The following FAM184A variants were observed in gnomAD, a reference collection of about 807,000 sequenced individuals.
The protein encoded by FAM184A is protein FAM184A.
A neutral mutation model predicts 143.8 loss-of-function variants in FAM184A; 99 were observed. The ratio of observed to expected loss-of-function variants is 0.69; its 90% confidence interval spans 0.58 to 0.81. The LOEUF (loss-of-function observed/expected upper bound fraction) is 0.81. Among genes scored for constraint, FAM184A ranks in the 40% least tolerant of loss-of-function variants. FAM184A has a pLI of 0.00. For synonymous variants in FAM184A, 427 were observed against 446.4 expected, an observed-to-expected ratio of 0.96 and a Z score of 0.55; for missense variants, 1,217 against 1,310.5, an observed-to-expected ratio of 0.93 and a Z score of 1.10.
At chr6:118,991,855 C>T (rs74383342) in intron 9 of FAM184A, among the ~76,000 whole-genome samples, 1 of 143,508 alleles carries the variant, frequency 7.0e-6, no homozygotes, top group African/African-American at 2.5e-5. Flanking sequence ...CTCCGCCTCC[C>T]GGGTTCATGT....
chr6:118,976,571 G>A (rs1783854480), intron 11 of FAM184A, among the ~76,000 whole-genome samples: 2 of 151,896 alleles, frequency 1.3e-5, no homozygotes, highest in African/African-American at 4.8e-5. Context: ...GACTGACACA[G>A]GAGAATTGCG....
At chr6:119,098,595 A>T (rs1351985658) in intron 1 of FAM184A, among the ~76,000 whole-genome samples, 2 of 152,144 alleles carry the variant, frequency 1.3e-5, no homozygotes, top group Non-Finnish European at 2.9e-5. Flanking sequence ...TAGATTCAAA[A>T]TTTTTTTATT....
intron 1 of FAM184A, among the ~76,000 whole-genome samples, chr6:119,036,609 C>T (rs1440175024): frequency 6.6e-6 from 1 of 151,968 alleles, no homozygotes; most frequent in East Asian, 1.9e-4. Context: ...TACTATACAG[C>T]TATGATTCAG....
rs780660408 is a variant in FAM184A, at chr6:118,961,958, C to T, written c.3144G>A (p.Lys1048=). 2 of 1,613,542 alleles carry T rather than the reference C, an allele frequency of 1.2e-6. No individual in the cohort carries two copies. Among genetic ancestry groups the T allele is most frequent in the African/African-American group, 2.7e-5 (2 of 74,962 alleles). ...VGVINPLAKQ[K]KKNDKSPTNR... ...TTGTTGGTGATTTATCATTCTTCTT[C>T]TTTTGCTGCATTAAAAATAATACAT... Residue 1048 remains lysine, a synonymous_variant, in exon 17 of 18, where the codon AAG becomes AAA. Transcript: ENST00000338891.
intron 1 of FAM184A, among the ~76,000 whole-genome samples, chr6:119,130,562 A>G (rs1345621693): frequency 6.6e-6 from 1 of 152,228 alleles, no homozygotes; most frequent in Non-Finnish European, 1.5e-5. Context: ...ATTGATTTAT[A>G]GGGGTGTATG....
rs75361402 is a variant in FAM184A at position 119,148,586 on chromosome 6, A to G, written c.-202+492T>C. Among the ~76,000 whole-genome samples the G allele has an allele frequency of 5.0e-3, 755 of 152,118 alleles. 23 individuals are homozygous for G. In the East Asian group the frequency reaches 0.067, roughly 13 times the overall value. ...TTCTTAACCCCTTCCCCAGCACACT[A>G]TTGCTGCCAGCATCAGATGTGTGAC... On this transcript the variant is annotated intron_variant, in intron 1 of 16. Coordinates refer to the FAM184A transcript ENST00000352896.
chr6:118,985,664 G>A (rs1489687190), intron 9 of FAM184A, among the ~76,000 whole-genome samples: 3 of 152,098 alleles, frequency 2.0e-5, no homozygotes, highest in African/African-American at 7.2e-5. Flanking sequence ...TTTATTCAGG[G>A]ATTAAATGGA....
chr6:119,003,759 G>T, intron 7 of FAM184A, 137 bp from the exon 8 acceptor site: 1 of 773,066 alleles, frequency 1.3e-6, no homozygotes, highest in Non-Finnish European at 1.8e-6. Flanking sequence ...TGCTATCTGT[G>T]AAAATGACTC....
intron 1 of FAM184A, among the ~76,000 whole-genome samples, chr6:119,032,133 A>G (rs1190377626): frequency 1.3e-5 from 2 of 152,060 alleles, no homozygotes; most frequent in Non-Finnish European, 2.9e-5. Context: ...TTAGCTGGGC[A>G]TGGTGGTACG....
intron 9 of FAM184A, among the ~76,000 whole-genome samples, chr6:118,997,188 G>A (rs1374154757): frequency 6.6e-6 from 1 of 151,630 alleles, no homozygotes; most frequent in Non-Finnish European, 1.5e-5. Flanking sequence ...ATCACTTGAA[G>A]TTGGGAGTTC....
At chr6:118,987,960 T>C (rs886950169) in intron 9 of FAM184A, among the ~76,000 whole-genome samples, 1 of 152,210 alleles carries the variant, frequency 6.6e-6, no homozygotes, top group East Asian at 1.9e-4. Context: ...AAATATATCT[T>C]ATTGAATGCC....
At chr6:119,042,749 A>T (rs1786387347) in intron 1 of FAM184A, among the ~76,000 whole-genome samples, 1 of 152,180 alleles carries the variant, frequency 6.6e-6, no homozygotes, top group South Asian at 2.1e-4. Flanking sequence ...ATAATGATGG[A>T]CTTTGGGTGA....
At chr6:119,138,623 A>T (rs201415145) in intron 1 of FAM184A, among the ~76,000 whole-genome samples, 1 of 19,644 alleles carries the variant, frequency 5.1e-5, no homozygotes, top group Non-Finnish European at 1.2e-4. Context: ...TATTATTATT[A>T]TTATTATTAT....
At chr6:119,056,684 A>G (rs1272999775) in intron 1 of FAM184A, among the ~76,000 whole-genome samples, 1 of 152,192 alleles carries the variant, frequency 6.6e-6, no homozygotes, top group Non-Finnish European at 1.5e-5. Flanking sequence ...CATGCCAAGC[A>G]TTTATACATG....
intron 6 of FAM184A, among the ~76,000 whole-genome samples, chr6:119,007,760 G>A (rs1784967689): frequency 6.6e-6 from 1 of 152,102 alleles, no homozygotes; most frequent in Non-Finnish European, 1.5e-5. Flanking sequence ...GGCCAACATG[G>A]CGAAACCCCG....
chr6:119,105,562 C>A (rs1021688778), intron 1 of FAM184A, among the ~76,000 whole-genome samples: 2 of 152,286 alleles, frequency 1.3e-5, no homozygotes, highest in African/African-American at 4.8e-5. Flanking sequence ...TCAATTAAAC[C>A]TCTTTTCTTC....
intron 1 of FAM184A, among the ~76,000 whole-genome samples, chr6:119,064,169 A>T (rs533400829): frequency 1.9e-4 from 29 of 152,246 alleles, no homozygotes; most frequent in Middle Eastern, 3.4e-3. Context: ...GTTTTCTCTT[A>T]ATCTATTAGC....
intron 1 of FAM184A, among the ~76,000 whole-genome samples, chr6:119,111,415 A>G (rs1004527594): frequency 6.6e-6 from 1 of 152,214 alleles, no homozygotes; most frequent in African/African-American, 2.4e-5. Context: ...GTTGGGGAAG[A>G]TGAAAAACGG....
chr6:119,004,111 G>A (rs1258399351), intron 7 of FAM184A, among the ~76,000 whole-genome samples: 1 of 152,210 alleles, frequency 6.6e-6, no homozygotes, highest in Non-Finnish European at 1.5e-5. Context: ...CTGCAAACTA[G>A]TGGTCCGTGT....
Sources: gnomAD v4.1 joint callset for allele counts (sites outside exome capture counted in the v4.1 genomes callset) on GRCh38, gnomAD v4.1.1 for gene constraint, MANE v1.5 for transcripts, NCBI Gene and HGNC (gene_info 2026-07-23, HGNC 2026-07-21) for gene names.